Variants in BABAM2 observed in about 807,000 individuals in gnomAD.
BABAM2 encodes BRISC and BRCA1 A complex member 2, also known as BRISC and BRCA1-A complex member 2.
A neutral mutation model predicts 54.7 loss-of-function variants in BABAM2; 31 were observed. The observed-to-expected ratio is 0.57, with a 90% CI of 0.43 to 0.77. The LOEUF (loss-of-function observed/expected upper bound fraction) is 0.77, where lower values mean the gene tolerates loss of function less well. Ranked by LOEUF, BABAM2 falls within the 30% of genes least tolerant of loss-of-function variation. The pLI is 0.00. For missense variants in BABAM2, 364 were observed against 455.8 expected (o/e 0.80, Z 1.83); for synonymous variants, 167 against 162.9 (o/e 1.03, Z -0.19).
In BABAM2 at chr2:28,022,084, T is replaced by C. The variant is rs138492078; in HGVS notation, c.301-3142T>C. On this transcript the variant is annotated intron_variant, in intron 4 of 11. Transcript: ENST00000379624. ...GAGCTCTGAGGATTGGTTGGGCTTG[T>C]TCAAGTCTGCGGAGCTATTGATATG... 7.2e-5 allele frequency among the ~76,000 whole-genome samples: 11 copies of C among 152,266 alleles called. No homozygotes were observed. In the East Asian group the frequency reaches 2.1e-3, roughly 29 times the overall value.
rs563338726 is a variant in BABAM2 at position 28,306,494 on chromosome 2, G to A, written c.1088+8003G>A. On this transcript the variant is annotated intron_variant, in intron 11 of 11. Coordinates refer to ENST00000379624, the MANE Select transcript of BABAM2 (RefSeq NM_199191.3). ...GACTCTATTTCTGGCAATATTCTTT[G>A]ACTTGAAATCTGCTCCATTTGATAT... Among the ~76,000 whole-genome samples the A allele has an allele frequency of 5.3e-5, 8 of 152,042 alleles. No individual in the cohort carries two copies. The South Asian group carries it at 1.7e-3, about 32-fold the overall frequency.
chr2:28,179,093 A>G (rs1298795687), intron 7 of BABAM2, among the ~76,000 whole-genome samples: 1 of 152,204 alleles, frequency 6.6e-6, no homozygotes, highest in Non-Finnish European at 1.5e-5. Flanking sequence ...TTCTCAAACT[A>G]TTCCAAGAAA....
At chr2:27,917,646 T>C (rs1465291425) in intron 2 of BABAM2, among the ~76,000 whole-genome samples, 1 of 152,088 alleles carries the variant, frequency 6.6e-6, no homozygotes, top group Non-Finnish European at 1.5e-5. Context: ...TACCAACACA[T>C]TGGGGATTAG....
At chr2:28,238,024 A>G (rs539689237) in intron 8 of BABAM2, among the ~76,000 whole-genome samples, 12 of 151,972 alleles carry the variant, frequency 7.9e-5, no homozygotes, top group African/African-American at 2.9e-4. Context: ...TAATTTTTAT[A>G]TTTTTAGTAG....
chr2:28,013,448 A>G, intron 4 of BABAM2: 2 of 455,332 alleles, frequency 4.4e-6, no homozygotes, highest in East Asian at 7.0e-5. Context: ...TTTCTCCATT[A>G]TGAGTCTTAC....
At chr2:28,335,185 A>G (rs1344929298) in intron 11 of BABAM2, among the ~76,000 whole-genome samples, 11 of 87,130 alleles carry the variant, frequency 1.3e-4, no homozygotes, top group African/African-American at 6.0e-4. Flanking sequence ...TTTTTTTGAG[A>G]CAGAGTCTGG....
chr2:28,282,431 A>G (rs2148197217), intron 10 of BABAM2, among the ~76,000 whole-genome samples: 1 of 152,232 alleles, frequency 6.6e-6, no homozygotes, highest in South Asian at 2.1e-4. Context: ...GAAATGGTAG[A>G]TCAGCCAAAA....
chr2:28,010,276 T>G (rs1262051563), intron 4 of BABAM2, among the ~76,000 whole-genome samples: 1 of 152,198 alleles, frequency 6.6e-6, no homozygotes, highest in Non-Finnish European at 1.5e-5. Flanking sequence ...TTAAATTTAC[T>G]GAATGAGTTG....
chr2:28,182,032 A>T (rs1433009917), intron 7 of BABAM2, among the ~76,000 whole-genome samples: 1 of 152,152 alleles, frequency 6.6e-6, no homozygotes, highest in Non-Finnish European at 1.5e-5. Flanking sequence ...GTGATCAAGG[A>T]TCAGTATCCC....
intron 3 of BABAM2, among the ~76,000 whole-genome samples, chr2:27,954,780 A>G (rs936971135): frequency 1.3e-5 from 2 of 152,210 alleles, no homozygotes; most frequent in African/African-American, 4.8e-5. Flanking sequence ...TTCATGCCAA[A>G]GCATTGCCAA....
At chr2:28,260,299 CTTTT>C (rs965855673) in intron 10 of BABAM2, among the ~76,000 whole-genome samples, 3 of 120,422 alleles carry the variant, frequency 2.5e-5, no homozygotes, top group South Asian at 2.7e-4. Flanking sequence ...TATTTCTTTT[CTTTT>C]TTTTTTTTTT....
chr2:28,189,924 T>A (rs1406539797), intron 7 of BABAM2, among the ~76,000 whole-genome samples: 1 of 152,206 alleles, frequency 6.6e-6, no homozygotes, highest in Non-Finnish European at 1.5e-5. Flanking sequence ...AATATGGTAT[T>A]GGCATAAAGA....
At chr2:28,044,630 A>T (rs1019195440) in intron 5 of BABAM2, among the ~76,000 whole-genome samples, 4 of 152,196 alleles carry the variant, frequency 2.6e-5, no homozygotes, top group Non-Finnish European at 4.4e-5. Flanking sequence ...GCCTAGGTGC[A>T]TTCATCCACC....
chr2:28,015,926 G>A (rs1354146508), intron 4 of BABAM2: 1 of 585,834 alleles, frequency 1.7e-6, no homozygotes, highest in East Asian at 5.2e-5. Context: ...GATGATAAAG[G>A]TTTATCTTCA....
chr2:28,337,439 C>T (rs1558541809), intron 11 of BABAM2, among the ~76,000 whole-genome samples: 1 of 152,200 alleles, frequency 6.6e-6, no homozygotes, highest in Non-Finnish European at 1.5e-5. Context: ...GGCTGGGTCA[C>T]CCCGCCACCC....
intron 6 of BABAM2, among the ~76,000 whole-genome samples, chr2:28,060,381 C>G (rs1348077319): frequency 2.0e-5 from 3 of 152,048 alleles, no homozygotes; most frequent in Non-Finnish European, 4.4e-5. Flanking sequence ...TATGAAAATC[C>G]TATAGCTAGT....
At chr2:28,134,841 A>G (rs11689563) in intron 7 of BABAM2, among the ~76,000 whole-genome samples, 36,084 of 152,062 alleles carry the variant, frequency 0.24, 4,562 homozygotes, top group South Asian at 0.47. Flanking sequence ...AATTTCCTCA[A>G]AGTAAGAGGG....
At chr2:28,194,673 C>G (rs1677321053) in intron 7 of BABAM2, among the ~76,000 whole-genome samples, 1 of 149,490 alleles carries the variant, frequency 6.7e-6, no homozygotes, top group African/African-American at 2.5e-5. Context: ...CCTCCGCCTC[C>G]TGGGTTCAAG....
chr2:27,969,350 TG>T (rs549374948), intron 3 of BABAM2, among the ~76,000 whole-genome samples: 11 of 151,210 alleles, frequency 7.3e-5, no homozygotes, highest in Non-Finnish European at 1.5e-4. Flanking sequence ...AGTGAGGGGG[TG>T]GGGAAGAGAA....
Sources: gnomAD v4.1 joint callset for allele counts (sites outside exome capture counted in the v4.1 genomes callset) on GRCh38, gnomAD v4.1.1 for gene constraint, MANE v1.5 for transcripts, NCBI Gene and HGNC (gene_info 2026-07-23, HGNC 2026-07-21) for gene names.